OR1B1: variants seen among roughly 807,000 people sequenced by gnomAD.
The protein encoded by OR1B1 is olfactory receptor 1B1.
For synonymous variants in OR1B1, 168 were observed against 156.2 expected, an observed-to-expected ratio of 1.08 and a Z score of -0.57; for missense variants, 414 against 402.1, an observed-to-expected ratio of 1.03 and a Z score of -0.25.
the OR1B1 span, among the ~76,000 whole-genome samples, chr9:122,656,543 C>G: frequency 5.3e-5 from 8 of 152,268 alleles, no homozygotes; most frequent in South Asian, 1.7e-3. Flanking sequence ...ATATGCACTT[C>G]CTCACCATGT....
the OR1B1 span, among the ~76,000 whole-genome samples, chr9:122,644,567 C>T: frequency 6.6e-6 from 1 of 152,182 alleles, no homozygotes; most frequent in Non-Finnish European, 1.5e-5. Context: ...TGGCACAATC[C>T]CAGTGGTGGT....
At chr9:122,647,662 T>A in the OR1B1 span, among the ~76,000 whole-genome samples, 1 of 152,214 alleles carries the variant, frequency 6.6e-6, no homozygotes, top group South Asian at 2.1e-4. Context: ...TTGTAGATAT[T>A]ACACAGTCAA....
the OR1B1 span, chr9:122,639,554 C>T: frequency 2.6e-5 from 4 of 152,004 alleles, no homozygotes; most frequent in African/African-American, 9.6e-5. Context: ...AAGTTACTAA[C>T]TTTCATATGT....
the OR1B1 span, among the ~76,000 whole-genome samples, chr9:122,644,955 C>G: frequency 6.6e-6 from 1 of 152,204 alleles, no homozygotes; most frequent in African/African-American, 2.4e-5. Flanking sequence ...CACCAGGGAC[C>G]AGTCCCAGAG....
At chr9:122,643,659 A>T in the OR1B1 span, among the ~76,000 whole-genome samples, 1 of 152,330 alleles carries the variant, frequency 6.6e-6, no homozygotes, top group East Asian at 1.9e-4. Context: ...GGCTGGCGCC[A>T]TACCTCCTCC....
At chr9:122,650,413 TA>T in the OR1B1 span, among the ~76,000 whole-genome samples, 5 of 150,632 alleles carry the variant, frequency 3.3e-5, no homozygotes, top group Non-Finnish European at 5.9e-5. Flanking sequence ...AAATGAAAAT[TA>T]AAAAAATATA....
At chr9:122,650,540 G>A in the OR1B1 span, among the ~76,000 whole-genome samples, 8 of 152,058 alleles carry the variant, frequency 5.3e-5, no homozygotes, top group South Asian at 1.5e-3. Context: ...CAGAGACTCA[G>A]GCTCATGCTG....
At chr9:122,628,480 A>G (rs1020782877), downstream of OR1B1, 3 of 747,192 alleles carry the variant, frequency 4.0e-6, no homozygotes, top group Non-Finnish European at 6.9e-6. Context: ...TCCTTAAGTT[A>G]TCTAGGCCCT....
the OR1B1 span, among the ~76,000 whole-genome samples, chr9:122,653,887 T>C: frequency 0.025 from 3,784 of 152,294 alleles, 156 homozygotes; most frequent in East Asian, 0.19. Context: ...CATTTATGCA[T>C]TTTTTGAGTG....
chr9:122,650,365 G>GT, the OR1B1 span, among the ~76,000 whole-genome samples: 3,732 of 151,828 alleles, frequency 0.025, 143 homozygotes, highest in East Asian at 0.18. Flanking sequence ...AACCTGCAAT[G>GT]CCTGCACATG....
the OR1B1 span, among the ~76,000 whole-genome samples, chr9:122,635,822 T>A: frequency 6.6e-6 from 1 of 152,164 alleles, no homozygotes; most frequent in South Asian, 2.1e-4. Context: ...AGACACTATG[T>A]TAGGGAAACC....
chr9:122,632,234 A>G (rs1352749463), upstream of OR1B1, among the ~76,000 whole-genome samples: 1 of 152,224 alleles, frequency 6.6e-6, no homozygotes, highest in Admixed American at 6.5e-5. Flanking sequence ...TAAGGAATAT[A>G]CATTATATTT....
the OR1B1 span, among the ~76,000 whole-genome samples, chr9:122,656,832 CTTTTA>C: frequency 7.2e-5 from 11 of 152,186 alleles, no homozygotes; most frequent in Admixed American, 1.3e-4. Flanking sequence ...TGAATGGGTA[CTTTTA>C]TTTTATTTAC....
At chr9:122,647,865 C>T in the OR1B1 span, among the ~76,000 whole-genome samples, 1 of 152,174 alleles carries the variant, frequency 6.6e-6, no homozygotes, top group Non-Finnish European at 1.5e-5. Flanking sequence ...ACCTTTATTT[C>T]ATTAACCCTA....
the OR1B1 span, among the ~76,000 whole-genome samples, chr9:122,644,772 T>C: frequency 1.3e-5 from 2 of 151,952 alleles, no homozygotes; most frequent in Non-Finnish European, 2.9e-5. Flanking sequence ...CATACCATGA[T>C]TGGCCTTAGG....
At chr9:122,651,394 G>A in the OR1B1 span, among the ~76,000 whole-genome samples, 1 of 152,138 alleles carries the variant, frequency 6.6e-6, no homozygotes, top group African/African-American at 2.4e-5. Flanking sequence ...ATCCTGCAGT[G>A]CTATAGAACA....
upstream of OR1B1, among the ~76,000 whole-genome samples, chr9:122,631,921 A>G (rs958130928): frequency 1.3e-5 from 2 of 152,076 alleles, no homozygotes; most frequent in Non-Finnish European, 2.9e-5. Context: ...TCTGTACCAC[A>G]TAAGAAGTGC....
Position 122,628,918 on chromosome 9 carries a change from G to A in OR1B1, c.618C>T (p.Phe206=), listed in dbSNP as rs756487752. 5.6e-6 allele frequency: 9 copies of A among 1,614,110 alleles called. 1 individual carries two copies. The South Asian group carries it at 8.8e-5, about 16-fold the overall frequency. The change falls in exon 1 of 1, where the codon TTC becomes TTT. Residue 206 remains phenylalanine (F), a synonymous_variant. Transcript: ENST00000623530. ...CCAGCATAAGGAAGCCACCCTCAAAGAATATGGCCAGCTCATTAGAATGTA... is the reference window on the plus strand; with the variant it reads ...CCAGCATAAGGAAGCCACCCTCAAAAAATATGGCCAGCTCATTAGAATGTA...
the OR1B1 span, among the ~76,000 whole-genome samples, chr9:122,637,498 A>T: frequency 1.0e-3 from 159 of 152,284 alleles, 1 homozygote; most frequent in Admixed American, 2.0e-3. Flanking sequence ...TTTCAAGATG[A>T]CACAGCTCAT....
Sources: gnomAD v4.1 joint callset for allele counts (sites outside exome capture counted in the v4.1 genomes callset) on GRCh38, gnomAD v4.1.1 for gene constraint, MANE v1.5 for transcripts, NCBI Gene and HGNC (gene_info 2026-07-23, HGNC 2026-07-21) for gene names.